LIPK: variants seen among roughly 807,000 people sequenced by gnomAD.
LIPK encodes lipase member K.
Under a neutral mutation model 48.6 loss-of-function variants are expected in LIPK, and 32 were observed. That is an observed-to-expected ratio of 0.66 (90% CI 0.50 to 0.88). LIPK has a LOEUF of 0.88. LIPK is among the 40% of genes least tolerant of loss of function. The pLI, the probability that LIPK is intolerant of heterozygous loss-of-function variation, is 0.00. For missense variants in LIPK, 507 were observed against 478.5 expected (o/e 1.06, Z -0.56); for synonymous variants, 164 against 157.4 (o/e 1.04, Z -0.32).
chr10:88,727,106 A>G (rs1169444897), intron 3 of LIPK, among the ~76,000 whole-genome samples, 194 bp downstream of exon 3: 4 of 152,270 alleles, frequency 2.6e-5, no homozygotes, highest in South Asian at 2.1e-4. Flanking sequence ...TACACTGTTT[A>G]TCTGGTCACT....
chr10:88,747,033 G>A (rs537250155), intron 9 of LIPK, among the ~76,000 whole-genome samples: 6 of 152,002 alleles, frequency 3.9e-5, no homozygotes, highest in Admixed American at 6.6e-5. Flanking sequence ...CATAAATTCC[G>A]GGAAGCATAA....
intron 1 of LIPK, among the ~76,000 whole-genome samples, chr10:88,713,726 A>C (rs958538676): frequency 6.6e-6 from 1 of 152,112 alleles, no homozygotes; most frequent in African/African-American, 2.4e-5. Flanking sequence ...GGATTACCTG[A>C]GGTCAGGTGT....
intron 3 of LIPK, chr10:88,727,353 T>A (rs1842364346): frequency 4.7e-6 from 1 of 212,926 alleles, no homozygotes; most frequent in Non-Finnish European, 9.3e-6. Flanking sequence ...CAGGTTTGGA[T>A]ATAATGTCTT....
chr10:88,727,903 G>A, intron 3 of LIPK: 1 of 368,588 alleles, frequency 2.7e-6, no homozygotes, highest in Non-Finnish European at 5.3e-6. Context: ...TGTGGAGCCT[G>A]CAGCAGCAGA....
chr10:88,715,602 C>T (rs1009784016), intron 1 of LIPK, among the ~76,000 whole-genome samples: 1 of 151,840 alleles, frequency 6.6e-6, no homozygotes, highest in Non-Finnish European at 1.5e-5. Flanking sequence ...ACAATATTTG[C>T]CTTTTTTTAG....
chr10:88,719,801 C>A (rs977656088), intron 1 of LIPK, among the ~76,000 whole-genome samples: 7 of 152,072 alleles, frequency 4.6e-5, no homozygotes, highest in African/African-American at 1.7e-4. Context: ...CCTGATAGTT[C>A]CTATTATTGG....
chr10:88,707,360 GTA>G (rs2134671298), intron 1 of LIPK, among the ~76,000 whole-genome samples: 1 of 152,072 alleles, frequency 6.6e-6, no homozygotes, highest in South Asian at 2.1e-4. Flanking sequence ...CCCTTACTTT[GTA>G]AGGACATTGA....
intron 2 of LIPK, 69 bp downstream of exon 2, chr10:88,724,717 C>A: frequency 9.3e-7 from 1 of 1,074,376 alleles, no homozygotes; most frequent in Admixed American, 2.8e-5. Context: ...TTAGATACAA[C>A]TGGTGTGCCT....
chr10:88,718,026 A>G (rs150688817), intron 1 of LIPK, among the ~76,000 whole-genome samples: 2,489 of 151,830 alleles, frequency 0.016, 29 homozygotes, highest in Non-Finnish European at 0.026. Context: ...TTAAGATCAT[A>G]TAGGTAATAT....
chr10:88,741,305 G>A (rs951703673), intron 8 of LIPK, among the ~76,000 whole-genome samples: 23 of 152,134 alleles, frequency 1.5e-4, no homozygotes, highest in African/African-American at 4.1e-4. Context: ...GCTCACTGTA[G>A]CCTTGACATC....
intron 8 of LIPK, among the ~76,000 whole-genome samples, chr10:88,742,885 C>T (rs547298143): frequency 4.3e-4 from 65 of 152,214 alleles, no homozygotes; most frequent in African/African-American, 1.5e-3. Flanking sequence ...AAATGTATAG[C>T]TAATGCCTTT....
intron 4 of LIPK, 67 bp from the exon 5 acceptor site, chr10:88,732,111 G>A (rs1015149391): frequency 1.6e-5 from 16 of 981,312 alleles, no homozygotes; most frequent in African/African-American, 1.1e-4. Context: ...TTCACTGAAC[G>A]TGTTTAAATG....
chr10:88,710,625 C>T (rs911256351), intron 1 of LIPK, among the ~76,000 whole-genome samples: 5 of 152,032 alleles, frequency 3.3e-5, no homozygotes, highest in South Asian at 2.1e-4. Flanking sequence ...TTTTTTCATT[C>T]GGCATAACGT....
At chr10:88,714,341 C>T (rs75143208) in intron 1 of LIPK, among the ~76,000 whole-genome samples, 1 of 152,080 alleles carries the variant, frequency 6.6e-6, no homozygotes, top group Non-Finnish European at 1.5e-5. Flanking sequence ...ATTCTAATAA[C>T]CTTGGCTCCA....
intron 1 of LIPK, among the ~76,000 whole-genome samples, chr10:88,711,268 T>C (rs1310479162): frequency 2.0e-5 from 3 of 152,208 alleles, no homozygotes; most frequent in African/African-American, 7.2e-5. Context: ...TTGCATATAT[T>C]TTAATGTGAA....
Position 88,719,139 on chromosome 10 carries a change from T to A in LIPK, c.-11-5394T>A, listed in dbSNP as rs116299331. 2.6e-3 allele frequency among the ~76,000 whole-genome samples: 397 copies of A among 152,312 alleles called. 3 individuals are homozygous for A. The highest frequency in any genetic ancestry group is 8.9e-3 in the African/African-American group (371 of 41,568). Reference sequence around the variant, plus strand: ...ATAATCACAGAAGTAGAAGACATGGTATAACAAGAGCTACCATTTACTGAG... The same window carrying A: ...ATAATCACAGAAGTAGAAGACATGGAATAACAAGAGCTACCATTTACTGAG... On this transcript the variant is annotated intron_variant, in intron 1 of 9. Coordinates refer to ENST00000404190, the MANE Select transcript of LIPK (RefSeq NM_001080518.2).
intron 3 of LIPK, 33 bp downstream of exon 3, chr10:88,726,945 C>T (rs1184969043): frequency 7.9e-7 from 1 of 1,271,786 alleles, no homozygotes; most frequent in East Asian, 2.4e-5. Flanking sequence ...AGGAAAAATA[C>T]TTAAAGCAGA....
rs1841934663 is a variant in LIPK, at chr10:88,706,335, T to G, written c.-12+15T>G. The stretch of plus-strand genomic sequence containing the variant: ...ACTTGGATCAGGTAATGACTTTTCA[T>G]CTATTTGCAGAGCCTGGATCATAGT... On this transcript the variant is annotated intron_variant, in intron 1 of 9. Coordinates refer to ENST00000404190, the MANE Select transcript of LIPK (RefSeq NM_001080518.2). 6.6e-6 allele frequency among the ~76,000 whole-genome samples: 1 copy of G among 152,160 alleles called. No individual in the cohort carries two copies. Among genetic ancestry groups the G allele is most frequent in the South Asian group, 2.1e-4 (1 of 4,824 alleles).
At chr10:88,742,601 A>G (rs781039258) in intron 8 of LIPK, among the ~76,000 whole-genome samples, 4 of 152,242 alleles carry the variant, frequency 2.6e-5, no homozygotes, top group Non-Finnish European at 5.9e-5. Flanking sequence ...TGAAGTTTCA[A>G]TACCAAAATG....
Sources: gnomAD v4.1 joint callset for allele counts (sites outside exome capture counted in the v4.1 genomes callset) on GRCh38, gnomAD v4.1.1 for gene constraint, MANE v1.5 for transcripts, NCBI Gene and HGNC (gene_info 2026-07-23, HGNC 2026-07-21) for gene names.